The following PACRG variants were observed in gnomAD, a reference collection of about 807,000 sequenced individuals.
PACRG encodes parkin coregulated gene protein.
PACRG carries 29 observed loss-of-function variants against 29.7 expected under a neutral mutation model. That is an observed-to-expected ratio of 0.98 (90% confidence interval 0.73 to 1.33). The LOEUF is 1.33. Ranked by LOEUF, PACRG falls within the 40% of genes most tolerant of loss-of-function variation. The probability of loss-of-function intolerance (pLI) is 0.00; values close to 1 mark genes in which losing one functional copy is unlikely to be tolerated. For missense variants in PACRG, 279 were observed against 316.2 expected (o/e 0.88, Z 0.89); for synonymous variants, 116 against 118.7 (o/e 0.98, Z 0.15).
At position 163,212,689 on chromosome 6, in the gene PACRG, A is replaced by T. The variant is rs191972336; in HGVS notation, c.614-102138A>T. On this transcript the variant is annotated intron_variant, in intron 4 of 4. Transcript: ENST00000366888. ...TAAATGAATAAAAGTTTGATGAAAA[A>T]TTGTATATTTACCATTATTTCATAT... Among the ~76,000 whole-genome samples the T allele has an allele frequency of 2.0e-5, 3 of 152,346 alleles. No individual in the cohort carries two copies. In the East Asian group the frequency reaches 5.8e-4, roughly 29 times the overall value.
At chr6:162,909,683 G>A (rs1020681527) in intron 2 of PACRG, among the ~76,000 whole-genome samples, 2 of 150,816 alleles carry the variant, frequency 1.3e-5, no homozygotes, top group Non-Finnish European at 2.9e-5. Flanking sequence ...TCTGGCACAC[G>A]AGTATCATTA....
chr6:162,792,148 TG>T (rs1785003056), intron 1 of PACRG, among the ~76,000 whole-genome samples: 1 of 152,146 alleles, frequency 6.6e-6, no homozygotes, highest in Admixed American at 6.5e-5. Context: ...TACATTGGGC[TG>T]CTGAGGCCTC....
chr6:163,177,740 G>A (rs1297004910), intron 4 of PACRG, among the ~76,000 whole-genome samples: 2 of 19,636 alleles, frequency 1.0e-4, no homozygotes, highest in African/African-American at 1.8e-4. Context: ...TTTTTTTTGC[G>A]GGTGGGATTC....
At chr6:163,313,958 C>T (rs1785542233) in intron 4 of PACRG, 1 of 152,254 alleles carries the variant, frequency 6.6e-6, no homozygotes, top group Admixed American at 6.5e-5. Context: ...CAGACTCCCT[C>T]ACCCTTGGTA....
chr6:163,102,202 T>TCCTTACCTTCTAACCATATA (rs1815134282), intron 4 of PACRG, among the ~76,000 whole-genome samples: 1 of 152,186 alleles, frequency 6.6e-6, no homozygotes, highest in Admixed American at 6.5e-5. Flanking sequence ...AAACTTTATG[T>TCCTTACCTTCTAACCATATA]TCCTTCTAAC....
chr6:163,254,697 C>T (rs1783040875), intron 4 of PACRG, among the ~76,000 whole-genome samples: 1 of 152,210 alleles, frequency 6.6e-6, no homozygotes, highest in Non-Finnish European at 1.5e-5. Context: ...GTCCTGGACC[C>T]CTGCCCGTGC....
chr6:163,254,456 T>A (rs1350394738), intron 4 of PACRG, among the ~76,000 whole-genome samples: 1 of 152,174 alleles, frequency 6.6e-6, no homozygotes, highest in Non-Finnish European at 1.5e-5. Flanking sequence ...GATCCATTGT[T>A]ATATGTTTTG....
chr6:163,264,576 G>C (rs572772351), intron 4 of PACRG, among the ~76,000 whole-genome samples: 10 of 152,330 alleles, frequency 6.6e-5, no homozygotes, highest in Admixed American at 2.0e-4. Flanking sequence ...CCAGAAACAA[G>C]ATCTGGGCTG....
chr6:163,000,830 G>A (rs1440529924), intron 2 of PACRG, among the ~76,000 whole-genome samples: 1 of 152,202 alleles, frequency 6.6e-6, no homozygotes, highest in African/African-American at 2.4e-5. Flanking sequence ...TACCCTTGGG[G>A]AGTTTATGGT....
chr6:162,959,803 A>G (rs1166099750), intron 2 of PACRG, among the ~76,000 whole-genome samples: 1 of 152,158 alleles, frequency 6.6e-6, no homozygotes, highest in African/African-American at 2.4e-5. Flanking sequence ...TCCTGGACAT[A>G]TGAATGTGCC....
intron 2 of PACRG, among the ~76,000 whole-genome samples, chr6:162,947,656 A>G (rs1799345053): frequency 8.3e-6 from 1 of 120,576 alleles, no homozygotes; most frequent in Non-Finnish European, 1.7e-5. Flanking sequence ...ATACACCCAA[A>G]GATTCCACCA....
chr6:163,205,131 G>T (rs1337692038), intron 4 of PACRG, among the ~76,000 whole-genome samples: 1 of 152,154 alleles, frequency 6.6e-6, no homozygotes, highest in African/African-American at 2.4e-5. Flanking sequence ...TGTTAAAATG[G>T]CCATACTGCC....
At chr6:163,073,001 C>T (rs1228294605) in intron 3 of PACRG, among the ~76,000 whole-genome samples, 2 of 152,074 alleles carry the variant, frequency 1.3e-5, no homozygotes, top group Non-Finnish European at 2.9e-5. Flanking sequence ...TTGGAAGAAT[C>T]GATTTTATTA....
At position 162,845,958 on chromosome 6, in the gene PACRG, C is replaced by T. The variant is rs192264966; in HGVS notation, c.291+31677C>T. ...TTAGTGTTCTCAGGGTAGCAAATGC[C>T]AAGACAAGATTAAACATGCAGGAAA... On this transcript the variant is annotated intron_variant, in intron 2 of 4. Transcript: ENST00000366888. Among the ~76,000 whole-genome samples the T allele has an allele frequency of 1.8e-3, 278 of 152,112 alleles. 1 individual carries two copies. Among genetic ancestry groups the T allele is most frequent in the African/African-American group, 6.5e-3 (269 of 41,500 alleles).
intron 4 of PACRG, among the ~76,000 whole-genome samples, chr6:163,163,497 C>T (rs1282672124): frequency 6.6e-6 from 1 of 152,106 alleles, no homozygotes; most frequent in Non-Finnish European, 1.5e-5. Flanking sequence ...GTCTCAAACT[C>T]CGGACCTCAG....
intron 2 of PACRG, among the ~76,000 whole-genome samples, chr6:162,956,570 C>T (rs891196682): frequency 5.3e-5 from 8 of 152,196 alleles, no homozygotes; most frequent in South Asian, 2.1e-4. Context: ...TTGGCAGGGC[C>T]GTGCTCCCTC....
intron 4 of PACRG, among the ~76,000 whole-genome samples, chr6:163,298,246 C>T (rs1223807976): frequency 1.3e-5 from 2 of 150,818 alleles, no homozygotes; most frequent in African/African-American, 4.9e-5. Context: ...ACAAATCACT[C>T]TCACAAAGGA....
chr6:163,156,470 C>T (rs1362471419), intron 4 of PACRG, among the ~76,000 whole-genome samples: 1 of 152,078 alleles, frequency 6.6e-6, no homozygotes, highest in Non-Finnish European at 1.5e-5. Flanking sequence ...GGTCTCCCTA[C>T]GACCGCCACG....
chr6:163,157,752 C>G (rs375095680), intron 4 of PACRG, among the ~76,000 whole-genome samples: 1 of 152,222 alleles, frequency 6.6e-6, no homozygotes, highest in East Asian at 1.9e-4. Flanking sequence ...CACAAGCACT[C>G]GGCTTGGAAG....
Sources: gnomAD v4.1 joint callset for allele counts (sites outside exome capture counted in the v4.1 genomes callset) on GRCh38, gnomAD v4.1.1 for gene constraint, MANE v1.5 for transcripts, NCBI Gene and HGNC (gene_info 2026-07-23, HGNC 2026-07-21) for gene names.